Variants in PARD3 observed in about 807,000 individuals in gnomAD.
The protein encoded by PARD3 is par-3 family cell polarity regulator.
A neutral mutation model predicts 155.4 loss-of-function variants in PARD3; 75 were observed. The observed-to-expected ratio is 0.48, with a 90% CI of 0.40 to 0.58. The LOEUF (loss-of-function observed/expected upper bound fraction) is 0.58. Among genes scored for constraint, PARD3 ranks in the 20% least tolerant of loss-of-function variants. PARD3 has a pLI of 0.00. For missense variants in PARD3, 1,642 were observed against 1,721.7 expected, an observed-to-expected ratio of 0.95 and a Z score of 0.82; for synonymous variants, 576 against 610.5, an observed-to-expected ratio of 0.94 and a Z score of 0.83.
intron 22 of PARD3, among the ~76,000 whole-genome samples, chr10:34,150,128 AATC>A (rs1948708928): frequency 6.6e-6 from 1 of 152,232 alleles, no homozygotes. Context: ...CCCTTATAGA[AATC>A]ATCATATTGG....
rs139095157 is a variant in PARD3, at chr10:34,540,230, A to T, written c.223-23071T>A. On this transcript the variant is annotated intron_variant, in intron 2 of 24. Coordinates refer to ENST00000374788, the MANE Select transcript of PARD3 (RefSeq NM_001184785.2). ...AGGATTGCTCTGCTGCATCCCCAGG[A>T]CCTAGAACAGTGTCTTGCACATAGT... 9.9e-5 allele frequency among the ~76,000 whole-genome samples: 15 copies of T among 152,192 alleles called. No individual in the cohort carries two copies. In the East Asian group the frequency reaches 2.9e-3, roughly 29 times the overall value.
Position 34,579,554 on chromosome 10 carries a change from C to CTCTGTGTGTGTG in PARD3, c.223-62396_223-62395insCACACACACAGA, listed in dbSNP as rs1554775574. Among the ~76,000 whole-genome samples, 184 of 122,570 alleles carry CTCTGTGTGTGTG rather than the reference C, an allele frequency of 1.5e-3. 1 individual carries two copies. Among genetic ancestry groups the CTCTGTGTGTGTG allele is most frequent in the African/African-American group, 4.9e-3 (174 of 35,724 alleles). 80.4% of individuals were successfully genotyped at this position (122,570 alleles called of 152,430 possible). A position where few individuals can be genotyped will look rare whatever the true frequency, so the allele number is the denominator to read the frequency against. On this transcript the variant is annotated intron_variant, in intron 2 of 24. Coordinates refer to ENST00000374788, the MANE Select transcript of PARD3 (RefSeq NM_001184785.2). Reference sequence around the variant, plus strand: ...AAATAAATAAAAGCTACCATTTTCTCTGTGTGTGTGTGTGTGTGTGTGTGT... The same window carrying CTCTGTGTGTGTG: ...AAATAAATAAAAGCTACCATTTTCTCTCTGTGTGTGTGTGTGTGTGTGTGTGTGTGTGTGTGT...
chr10:34,343,720 C>T (rs113431401), intron 15 of PARD3: 18,100 of 984,380 alleles, frequency 0.018, 188 homozygotes, highest in Non-Finnish European at 0.02. Flanking sequence ...GTAGTTGGTA[C>T]ATCATAAATG....
chr10:34,542,481 C>T (rs1442915660), intron 2 of PARD3, among the ~76,000 whole-genome samples: 1 of 152,056 alleles, frequency 6.6e-6, no homozygotes. Flanking sequence ...TAATCCAGTC[C>T]AAAATGTCAT....
At chr10:34,211,646 G>A (rs556206993) in intron 22 of PARD3, among the ~76,000 whole-genome samples, 1 of 152,224 alleles carries the variant, frequency 6.6e-6, no homozygotes, top group Non-Finnish European at 1.5e-5. Context: ...TGAGCATGGT[G>A]GTGGGCGCCT....
At chr10:34,740,307 A>G (rs1044921809) in intron 1 of PARD3, among the ~76,000 whole-genome samples, 2 of 152,242 alleles carry the variant, frequency 1.3e-5, no homozygotes, top group Admixed American at 1.3e-4. Flanking sequence ...GTTCTGAGAC[A>G]GCAGTGAATT....
At chr10:34,628,491 A>G (rs1182305481) in intron 2 of PARD3, among the ~76,000 whole-genome samples, 1 of 152,244 alleles carries the variant, frequency 6.6e-6, no homozygotes. Context: ...TGTCCCAAGA[A>G]TCGCCAATGC....
At chr10:34,718,149 C>CAAAAAAA (rs71033340) in intron 1 of PARD3, among the ~76,000 whole-genome samples, 2 of 82,758 alleles carry the variant, frequency 2.4e-5, no homozygotes, top group African/African-American at 4.3e-5. Flanking sequence ...GACTCCATCT[C>CAAAAAAA]AAAAAAAAAA....
intron 22 of PARD3, among the ~76,000 whole-genome samples, chr10:34,236,852 A>C (rs1953265465): frequency 6.6e-6 from 1 of 152,170 alleles, no homozygotes; most frequent in South Asian, 2.1e-4. Context: ...GTGCAGGGGG[A>C]GAGTGAGAAT....
chr10:34,679,501 A>G (rs919697106), intron 2 of PARD3, among the ~76,000 whole-genome samples: 10 of 152,316 alleles, frequency 6.6e-5, no homozygotes, highest in African/African-American at 2.4e-4. Flanking sequence ...TCGGAGTGTG[A>G]CTATTTTGTT....
At chr10:34,375,170 A>C (rs1000103697) in intron 10 of PARD3, among the ~76,000 whole-genome samples, 168 bp from the exon 11 acceptor site, 1 of 152,024 alleles carries the variant, frequency 6.6e-6, no homozygotes, top group Non-Finnish European at 1.5e-5. Flanking sequence ...GGAACCACTA[A>C]GGTTTTGTGA....
At chr10:34,132,935 AGAG>A (rs1362959177) in intron 22 of PARD3, among the ~76,000 whole-genome samples, 2 of 152,294 alleles carry the variant, frequency 1.3e-5, no homozygotes, top group Non-Finnish European at 2.9e-5. Flanking sequence ...CTGAATGTCA[AGAG>A]GAGTTTGGCT....
chr10:34,236,981 T>C (rs891324681), intron 22 of PARD3, among the ~76,000 whole-genome samples: 1 of 152,006 alleles, frequency 6.6e-6, no homozygotes, highest in African/African-American at 2.4e-5. Context: ...ACAAAAAGAG[T>C]GTTTAAATTT....
chr10:34,464,902 A>C (rs1368112925), intron 4 of PARD3, among the ~76,000 whole-genome samples: 4 of 152,202 alleles, frequency 2.6e-5, no homozygotes, highest in African/African-American at 9.6e-5. Context: ...TTCAAATTAC[A>C]ATCATCCCTC....
chr10:34,772,196 G>C (rs1396480189), intron 1 of PARD3, among the ~76,000 whole-genome samples: 1 of 152,104 alleles, frequency 6.6e-6, no homozygotes, highest in African/African-American at 2.4e-5. Flanking sequence ...GCTGAGGCGG[G>C]TGGATCACTT....
At chr10:34,787,164 G>A (rs542426535) in intron 1 of PARD3, among the ~76,000 whole-genome samples, 2 of 152,188 alleles carry the variant, frequency 1.3e-5, no homozygotes, top group East Asian at 1.9e-4. Flanking sequence ...GGCAGATCAC[G>A]AGGTCAGGAG....
At chr10:34,416,477 G>T (rs1033189500) in intron 5 of PARD3, among the ~76,000 whole-genome samples, 2 of 152,176 alleles carry the variant, frequency 1.3e-5, no homozygotes, top group African/African-American at 4.8e-5. Flanking sequence ...GCAGCCTGCA[G>T]AGATGAGAGG....
intron 22 of PARD3, among the ~76,000 whole-genome samples, chr10:34,198,077 CCTTG>C (rs1951034126): frequency 6.6e-6 from 1 of 152,178 alleles, no homozygotes; most frequent in Non-Finnish European, 1.5e-5. Context: ...GGTTTTCGGA[CCTTG>C]CTATTCACAT....
chr10:34,729,187 C>T (rs1243355203), intron 1 of PARD3, among the ~76,000 whole-genome samples: 2 of 152,198 alleles, frequency 1.3e-5, no homozygotes, highest in African/African-American at 4.8e-5. Flanking sequence ...CGGCGCGTGA[C>T]TATGAATATA....
Sources: allele counts gnomAD v4.1 joint callset (sites outside exome capture counted in the v4.1 genomes callset), GRCh38; gene constraint gnomAD v4.1.1; transcripts MANE v1.5; gene names NCBI Gene and HGNC (gene_info 2026-07-23, HGNC 2026-07-21).